NIT2: variants seen among roughly 807,000 people sequenced by gnomAD.
NIT2 encodes the protein nitrilase family member 2.
A neutral mutation model predicts 42.7 loss-of-function variants in NIT2; 46 were observed. That is an observed-to-expected ratio of 1.08 (90% confidence interval 0.85 to 1.38). The LOEUF (loss-of-function observed/expected upper bound fraction) is 1.38. Among genes scored for constraint, NIT2 ranks in the 40% most tolerant of loss-of-function variants. NIT2 has a pLI of 0.00. For missense variants in NIT2, 309 were observed against 342.5 expected, an observed-to-expected ratio of 0.90 and a Z score of 0.77; for synonymous variants, 123 against 121.9, an observed-to-expected ratio of 1.01 and a Z score of -0.06.
At chr3:100,352,803 G>A (rs1706288010) in intron 8 of NIT2, among the ~76,000 whole-genome samples, 1 of 152,228 alleles carries the variant, frequency 6.6e-6, no homozygotes, top group Non-Finnish European at 1.5e-5. Flanking sequence ...AGCAGTGACA[G>A]GCAGGTTGTA....
intron 6 of NIT2, among the ~76,000 whole-genome samples, chr3:100,346,788 G>A (rs1214375): frequency 0.4 from 60,932 of 151,936 alleles, 12,697 homozygotes; most frequent in East Asian, 0.74. Flanking sequence ...GGATTAAGAA[G>A]AGAGAACCTA....
intron 4 of NIT2, among the ~76,000 whole-genome samples, chr3:100,342,759 A>T (rs1194814106): frequency 6.6e-6 from 1 of 152,104 alleles, no homozygotes; most frequent in Non-Finnish European, 1.5e-5. Flanking sequence ...TTAAATAGTC[A>T]TATGTATTTT....
chr3:100,345,883 G>A, intron 5 of NIT2: 1 of 602,302 alleles, frequency 1.7e-6, no homozygotes, highest in East Asian at 2.8e-5. Flanking sequence ...TGATTTGATT[G>A]TAGCTTCCTG....
chr3:100,361,570 T>C lies in NIT2; in HGVS notation c.*6302T>C, dbSNP rs550505865. ...GACCTTTGAGAAGGATCTATAGCTG[T>C]CAACTCCTAATATGATTTGTGCACT... On this transcript the variant is annotated 3_prime_UTR_variant, in exon 10 of 10. Coordinates refer to ENST00000394140, the MANE Select transcript of NIT2 (RefSeq NM_020202.5). 2 of 152,338 alleles carry C rather than the reference T, an allele frequency of 1.3e-5. No homozygotes were observed. Among genetic ancestry groups the C allele is most frequent in the South Asian group, 4.1e-4 (2 of 4,830 alleles). The allele number at this position is 152,338 out of a possible 1,614,324, so 9.4% of individuals were successfully genotyped here.
At chr3:100,344,463 C>A (rs1273387429) in intron 4 of NIT2, among the ~76,000 whole-genome samples, 4 of 152,220 alleles carry the variant, frequency 2.6e-5, no homozygotes, top group Non-Finnish European at 5.9e-5. Context: ...TAACCCAACT[C>A]TTTGAAGTAT....
At chr3:100,347,818 A>C (rs1706232885) in intron 6 of NIT2, among the ~76,000 whole-genome samples, 1 of 152,174 alleles carries the variant, frequency 6.6e-6, no homozygotes, top group Non-Finnish European at 1.5e-5. Context: ...TGAAAAGTAC[A>C]CACTCAAAAA....
At position 100,360,783 on chromosome 3, in the gene NIT2, A is replaced by C. The variant is rs1302073572; in HGVS notation, c.*5515A>C. Reference sequence around the variant, plus strand: ...AGTAGAGGCATTGGTGTTTTGTTCCAAACTATCCAATCGAGAATGTTCATA... The same window carrying C: ...AGTAGAGGCATTGGTGTTTTGTTCCCAACTATCCAATCGAGAATGTTCATA... On this transcript the variant is annotated 3_prime_UTR_variant, in exon 10 of 10. Transcript: ENST00000394140. 6.6e-6 allele frequency: 1 copy of C among 152,218 alleles called. No homozygotes were observed. The highest frequency in any genetic ancestry group is 2.4e-5 in the African/African-American group (1 of 41,452). 9.4% of individuals were successfully genotyped at this position (152,218 alleles called of 1,614,324 possible).
chr3:100,338,778 A>G (rs1215908903), intron 1 of NIT2, among the ~76,000 whole-genome samples: 1 of 152,218 alleles, frequency 6.6e-6, no homozygotes, highest in Non-Finnish European at 1.5e-5. Flanking sequence ...TGTGCCTGGC[A>G]TGGGACTTTG....
chr3:100,345,583 A>G lies in NIT2; in HGVS notation c.337-2A>G. On this transcript the variant is annotated splice_acceptor_variant, in intron 4 of 9. Transcript: ENST00000394140. LOFTEE classifies it high-confidence loss of function. ...TAACCAAATCCATTATTTGTGATGC[A>G]GATCCATCTGTTTGACATTGATGTT... The G allele has an allele frequency of 6.2e-7, 1 of 1,600,266 alleles. No homozygotes were observed. Among genetic ancestry groups the G allele is most frequent in the Non-Finnish European group, 8.6e-7 (1 of 1,168,218 alleles).
intron 6 of NIT2, among the ~76,000 whole-genome samples, chr3:100,347,787 G>A (rs1706232636): frequency 6.6e-6 from 1 of 152,200 alleles, no homozygotes; most frequent in Admixed American, 6.5e-5. Flanking sequence ...AATAGTGGAA[G>A]TATGGAGATT....
At chr3:100,340,272 C>G (rs568731008) in intron 3 of NIT2, among the ~76,000 whole-genome samples, 80 of 152,134 alleles carry the variant, frequency 5.3e-4, no homozygotes, top group African/African-American at 1.7e-3. Flanking sequence ...CACCTTGTTG[C>G]CCAGGCTGGT....
In NIT2 at chr3:100,358,514, T is replaced by G. The variant is rs1706344975; in HGVS notation, c.*3246T>G. The G allele has an allele frequency of 6.6e-6, 1 of 152,258 alleles. No individual in the cohort carries two copies. The highest frequency in any genetic ancestry group is 1.5e-5 in the Non-Finnish European group (1 of 68,034). 9.4% of individuals were successfully genotyped at this position (152,258 alleles called of 1,614,324 possible). The stretch of plus-strand genomic sequence containing the variant: ...AGGCAACACATTTAATGAATTCACA[T>G]TTAAGTGAATTCCTCACAGGGATGA... On this transcript the variant is annotated 3_prime_UTR_variant, in exon 10 of 10. Coordinates refer to ENST00000394140, the MANE Select transcript of NIT2 (RefSeq NM_020202.5).
rs376260593 is a variant in NIT2, at chr3:100,336,018, C to G, written c.7+1220C>G. ...AATATCTGTTTGCCCCAGAATAATC[C>G]CAGCTTTTATTTCCTGTTTTAGTTT... On this transcript the variant is annotated intron_variant, in intron 1 of 9. Coordinates refer to ENST00000394140, the MANE Select transcript of NIT2 (RefSeq NM_020202.5). Among the ~76,000 whole-genome samples the G allele has an allele frequency of 3.9e-5, 6 of 152,096 alleles. No individual in the cohort carries two copies. In the East Asian group the frequency reaches 1.2e-3, roughly 29 times the overall value.
At chr3:100,343,959 G>T (rs931138979) in intron 4 of NIT2, among the ~76,000 whole-genome samples, 1 of 152,198 alleles carries the variant, frequency 6.6e-6, no homozygotes, top group African/African-American at 2.4e-5. Flanking sequence ...TAACTTGGCC[G>T]CACCCAAACA....
chr3:100,344,949 T>C (rs965638413), intron 4 of NIT2, among the ~76,000 whole-genome samples: 1 of 113,318 alleles, frequency 8.8e-6, no homozygotes, highest in East Asian at 3.1e-4. Flanking sequence ...CTGATAAGTA[T>C]TTTTTTTTTC....
intron 5 of NIT2, 109 bp downstream of exon 5, chr3:100,345,787 C>T: frequency 2.8e-6 from 2 of 717,524 alleles, no homozygotes; most frequent in South Asian, 3.5e-5. Flanking sequence ...ACTGAAAGAC[C>T]ATAAGTGAGA....
At chr3:100,355,106 CAG>C in intron 9 of NIT2, 69 bp from the exon 10 acceptor site, 3 of 1,122,530 alleles carry the variant, frequency 2.7e-6, no homozygotes, top group Non-Finnish European at 4.1e-6. Flanking sequence ...TTTATACAGT[CAG>C]GGGAAGAAAT....
chr3:100,346,093 G>C, intron 5 of NIT2, 88 bp from the exon 6 acceptor site: 1 of 1,010,676 alleles, frequency 9.9e-7, no homozygotes, highest in Non-Finnish European at 1.5e-6. Flanking sequence ...TCAGTGTTTT[G>C]TGATCATTAT....
At chr3:100,336,056 TA>T (rs1407625793) in intron 1 of NIT2, among the ~76,000 whole-genome samples, 2 of 152,246 alleles carry the variant, frequency 1.3e-5, no homozygotes, top group Non-Finnish European at 2.9e-5. Flanking sequence ...CTTCAGATTC[TA>T]TAACTATTTA....
Sources: gnomAD v4.1 joint callset for allele counts (sites outside exome capture counted in the v4.1 genomes callset) on GRCh38, gnomAD v4.1.1 for gene constraint, MANE v1.5 for transcripts, NCBI Gene and HGNC (gene_info 2026-07-23, HGNC 2026-07-21) for gene names.